ABLIM1: variants seen among roughly 807,000 people sequenced by gnomAD.
ABLIM1 encodes the protein actin-binding LIM protein 1.
Under a neutral mutation model 107.0 loss-of-function variants are expected in ABLIM1, and 40 were observed. The ratio of observed to expected loss-of-function variants is 0.37; its 90% CI spans 0.29 to 0.49. The LOEUF (loss-of-function observed/expected upper bound fraction) is 0.49, where lower values mean the gene tolerates loss of function less well. Among genes scored for constraint, ABLIM1 ranks in the 20% least tolerant of loss-of-function variants. The pLI, the probability that ABLIM1 is intolerant of heterozygous loss-of-function variation, is 0.97. For missense variants in ABLIM1, 857 were observed against 1,008.5 expected, an observed-to-expected ratio of 0.85 and a Z score of 2.04; for synonymous variants, 357 against 357.3, an observed-to-expected ratio of 1.00 and a Z score of 0.01.
the ABLIM1 span, among the ~76,000 whole-genome samples, chr10:114,775,699 A>G: frequency 6.6e-6 from 1 of 152,224 alleles, no homozygotes; most frequent in South Asian, 2.1e-4. Flanking sequence ...GAACTGCTTC[A>G]TTTAAATTCT....
In ABLIM1 at chr10:114,557,671, G is replaced by GTTTTGTTTTTTTTTTTTTTTT. The variant is rs1555173409; in HGVS notation, c.674-9896_674-9895insAAAAAAAAAAAAAAAACAAAA. On this transcript the variant is annotated intron_variant, in intron 4 of 22. Transcript: ENST00000533213. ...TGACCCAATAGCTCCATAGTGAGGT[G>GTTTTGTTTTTTTTTTTTTTTT]TTTTTTTTTTTTTTTTTTTTTTGGA... Among the ~76,000 whole-genome samples, 3 of 72,482 alleles carry GTTTTGTTTTTTTTTTTTTTTT rather than the reference G, an allele frequency of 4.1e-5. 1 individual carries two copies. The highest frequency in any genetic ancestry group is 1.4e-4 in the African/African-American group (2 of 14,812). 47.6% of individuals were successfully genotyped at this position (72,482 alleles called of 152,430 possible).
chr10:114,650,388 A>G (rs1327993131), intron 1 of ABLIM1, among the ~76,000 whole-genome samples: 1 of 152,214 alleles, frequency 6.6e-6, no homozygotes, highest in African/African-American at 2.4e-5. Flanking sequence ...ATGCCAAACA[A>G]TAAACTTAAA....
chr10:114,468,331 G>A (rs1439294237), intron 10 of ABLIM1, 115 bp from the exon 11 acceptor site: 6 of 987,174 alleles, frequency 6.1e-6, no homozygotes, highest in East Asian at 2.5e-5. Flanking sequence ...CTGGAGTGCA[G>A]TGGCGCAATC....
intron 6 of ABLIM1, among the ~76,000 whole-genome samples, chr10:114,528,005 T>G (rs1306578674): frequency 6.6e-6 from 1 of 151,908 alleles, no homozygotes; most frequent in Non-Finnish European, 1.5e-5. Flanking sequence ...ACCCAGCTAA[T>G]TTTTGTATTT....
At chr10:114,698,873 C>A (rs1463779160) in intron 1 of ABLIM1, among the ~76,000 whole-genome samples, 1 of 151,794 alleles carries the variant, frequency 6.6e-6, no homozygotes, top group Non-Finnish European at 1.5e-5. Flanking sequence ...AACTAATTCC[C>A]AAAAAGAAAA....
At chr10:114,455,768 C>T (rs2062690925) in intron 12 of ABLIM1, among the ~76,000 whole-genome samples, 1 of 151,520 alleles carries the variant, frequency 6.6e-6, no homozygotes, top group Non-Finnish European at 1.5e-5. Flanking sequence ...GATGCTAGTG[C>T]AATAAGTCCT....
intron 1 of ABLIM1, among the ~76,000 whole-genome samples, chr10:114,641,878 G>GTTGTTTTGTT (rs554920018): frequency 3.3e-5 from 5 of 151,850 alleles, no homozygotes; most frequent in African/African-American, 1.2e-4. Context: ...TTTCCCCTAA[G>GTTGTTTTGTT]TTGTTTTGTT....
intron 17 of ABLIM1, among the ~76,000 whole-genome samples, chr10:114,442,466 C>A (rs1255581684): frequency 1.3e-5 from 2 of 152,160 alleles, no homozygotes; most frequent in East Asian, 3.9e-4. Flanking sequence ...TTCTGAAGTC[C>A]TCATTTCTTC....
intron 6 of ABLIM1, among the ~76,000 whole-genome samples, chr10:114,538,232 G>GAGCC: frequency 6.6e-6 from 1 of 152,190 alleles, no homozygotes; most frequent in Non-Finnish European, 1.5e-5. Context: ...AAACAAAACA[G>GAGCC]AGCCACCAGT....
Position 114,750,020 on chromosome 10 carries a change from T to C in ABLIM1, c.-213+18041A>G, listed in dbSNP as rs188389046. Among the ~76,000 whole-genome samples the C allele has an allele frequency of 1.1e-4, 17 of 151,576 alleles. No individual in the cohort carries two copies. In the East Asian group the frequency reaches 3.3e-3, roughly 29 times the overall value. ...TTCATAAATATAACTGTTACATAAA[T>C]AAAATAAAGTAACTCCAAACATAAG... On this transcript the variant is annotated intron_variant, in intron 1 of 15. Transcript: ENST00000651092.
intron 2 of ABLIM1, among the ~76,000 whole-genome samples, chr10:114,593,228 C>T (rs1362297320): frequency 3.9e-5 from 6 of 152,184 alleles, no homozygotes; most frequent in African/African-American, 1.2e-4. Flanking sequence ...GGGTGAACTT[C>T]GGCATGCCTT....
At chr10:114,646,099 C>A (rs561170000) in intron 1 of ABLIM1, among the ~76,000 whole-genome samples, 1 of 152,148 alleles carries the variant, frequency 6.6e-6, no homozygotes, top group African/African-American at 2.4e-5. Context: ...GAAAACACTC[C>A]GCATATGTAT....
intron 6 of ABLIM1, among the ~76,000 whole-genome samples, chr10:114,528,355 A>C (rs1565837901): frequency 6.6e-6 from 1 of 152,132 alleles, no homozygotes. Context: ...AAATGAAAAG[A>C]CCCTTTTATA....
the ABLIM1 span, among the ~76,000 whole-genome samples, chr10:114,789,273 G>C: frequency 1.3e-5 from 2 of 151,946 alleles, no homozygotes; most frequent in East Asian, 3.9e-4. Flanking sequence ...TAAAAAAGAA[G>C]AGAAAAAAGA....
intron 1 of ABLIM1, among the ~76,000 whole-genome samples, chr10:114,638,191 C>A (rs1211263171): frequency 6.6e-6 from 1 of 152,130 alleles, no homozygotes; most frequent in Non-Finnish European, 1.5e-5. Context: ...ATAAATATTC[C>A]TTTTCATACA....
At chr10:114,658,978 C>G (rs936360980), upstream of ABLIM1, among the ~76,000 whole-genome samples, 5 of 152,112 alleles carry the variant, frequency 3.3e-5, no homozygotes, top group Non-Finnish European at 7.4e-5. Flanking sequence ...AAAGGACAAC[C>G]CCAGTAATTA....
intron 1 of ABLIM1, among the ~76,000 whole-genome samples, chr10:114,708,675 G>C (rs2081477537): frequency 6.6e-6 from 1 of 152,154 alleles, no homozygotes; most frequent in African/African-American, 2.4e-5. Context: ...AGTTAAGAAA[G>C]AGGAAAGAAG....
intron 1 of ABLIM1, among the ~76,000 whole-genome samples, chr10:114,739,829 A>G (rs938972184): frequency 2.0e-5 from 3 of 152,174 alleles, no homozygotes; most frequent in African/African-American, 4.8e-5. Context: ...CTTTGCTTCA[A>G]TGCTAGAAAA....
intron 1 of ABLIM1, among the ~76,000 whole-genome samples, chr10:114,731,707 T>C (rs1430172157): frequency 1.3e-5 from 2 of 152,128 alleles, no homozygotes; most frequent in Admixed American, 1.3e-4. Flanking sequence ...CCTCCTAGGT[T>C]CAAGCGATTC....
Sources: gnomAD v4.1 joint callset for allele counts (sites outside exome capture counted in the v4.1 genomes callset) on GRCh38, gnomAD v4.1.1 for gene constraint, MANE v1.5 for transcripts, NCBI Gene and HGNC (gene_info 2026-07-23, HGNC 2026-07-21) for gene names.